MALRD1: variants seen among roughly 807,000 people sequenced by gnomAD.
MALRD1 encodes the protein MAM and LDL-receptor class A domain-containing protein 1.
MALRD1 carries 247 observed loss-of-function variants against 242.1 expected under a neutral mutation model. The ratio of observed to expected loss-of-function variants is 1.02; its 90% CI spans 0.92 to 1.13. The LOEUF is 1.13. Among genes scored for constraint, MALRD1 ranks in the 50% most tolerant of loss-of-function variants. The pLI, the probability that MALRD1 is intolerant of heterozygous loss-of-function variation, is 0.00. For missense variants in MALRD1, 2,989 were observed against 2,533.1 expected (o/e 1.18, Z -3.86); for synonymous variants, 995 against 866.6 (o/e 1.15, Z -2.60).
chr10:19,264,733 G>T (rs10827172), intron 19 of MALRD1, among the ~76,000 whole-genome samples: 15,024 of 152,094 alleles, frequency 0.099, 906 homozygotes, highest in African/African-American at 0.17. Context: ...GATTACAGGC[G>T]TGAGCCACCA....
At chr10:19,639,084 T>C (rs970311618) in intron 36 of MALRD1, among the ~76,000 whole-genome samples, 3 of 152,140 alleles carry the variant, frequency 2.0e-5, no homozygotes, top group African/African-American at 7.2e-5. Flanking sequence ...AAGTATGGCA[T>C]GGTCCAAAAG....
chr10:19,583,628 G>T (rs1837240657), intron 33 of MALRD1, among the ~76,000 whole-genome samples: 4 of 152,156 alleles, frequency 2.6e-5, no homozygotes, highest in Middle Eastern at 3.4e-3. Context: ...CGGTTTGCCA[G>T]TATTTTATTG....
intron 29 of MALRD1, among the ~76,000 whole-genome samples, chr10:19,471,329 A>G (rs1220643517): frequency 6.6e-6 from 1 of 151,804 alleles, no homozygotes; most frequent in Non-Finnish European, 1.5e-5. Context: ...TGTTTTCATT[A>G]CTGTGGCTTT....
intron 2 of MALRD1, among the ~76,000 whole-genome samples, chr10:19,081,450 T>A (rs1178630386): frequency 6.6e-6 from 1 of 152,068 alleles, no homozygotes; most frequent in Non-Finnish European, 1.5e-5. Flanking sequence ...AGGAATGAGA[T>A]CATGTCCTTT....
chr10:19,292,080 C>CAAAAAAAAAAA (rs756211363), intron 21 of MALRD1, among the ~76,000 whole-genome samples: 1 of 88,014 alleles, frequency 1.1e-5, no homozygotes, highest in East Asian at 3.5e-4. Flanking sequence ...AAGACCGTCT[C>CAAAAAAAAAAA]AAAAAAAAAA....
At chr10:19,733,939 C>T (rs893505967) in intron 39 of MALRD1, among the ~76,000 whole-genome samples, 1 of 151,942 alleles carries the variant, frequency 6.6e-6, no homozygotes, top group Non-Finnish European at 1.5e-5. Flanking sequence ...GGCAGTGGTG[C>T]CTAAGTCCTG....
At chr10:19,286,763 C>A (rs1271915351) in intron 21 of MALRD1, among the ~76,000 whole-genome samples, 1 of 151,336 alleles carries the variant, frequency 6.6e-6, no homozygotes, top group Admixed American at 6.6e-5. Flanking sequence ...TGGTACCATT[C>A]CTTCTGAAAC....
At chr10:19,553,215 T>C (rs1410415070) in intron 32 of MALRD1, among the ~76,000 whole-genome samples, 2 of 152,088 alleles carry the variant, frequency 1.3e-5, no homozygotes, top group African/African-American at 2.4e-5. Flanking sequence ...AAATAAACAA[T>C]TGGGCTCTAT....
chr10:19,448,555 T>G (rs1394090173), intron 28 of MALRD1, among the ~76,000 whole-genome samples: 2 of 152,170 alleles, frequency 1.3e-5, no homozygotes, highest in Admixed American at 1.3e-4. Context: ...TGTCCTGTGC[T>G]CAACTGGTTA....
chr10:19,080,109 A>T (rs181963645), intron 2 of MALRD1, among the ~76,000 whole-genome samples: 1 of 152,178 alleles, frequency 6.6e-6, no homozygotes, highest in East Asian at 1.9e-4. Flanking sequence ...CTGCTGAAAG[A>T]AATCAGAGAA....
intron 21 of MALRD1, among the ~76,000 whole-genome samples, chr10:19,289,129 A>G (rs1039155983): frequency 6.6e-6 from 1 of 152,130 alleles, no homozygotes; most frequent in African/African-American, 2.4e-5. Flanking sequence ...AAGGACACTT[A>G]CAGAAAGTTT....
chr10:19,373,131 C>A, intron 26 of MALRD1, among the ~76,000 whole-genome samples: 1 of 127,640 alleles, frequency 7.8e-6, no homozygotes, highest in Admixed American at 8.1e-5. Flanking sequence ...GTAGACAAAG[C>A]AGAAAAATAA....
At chr10:19,124,910 C>T (rs1407036554) in intron 7 of MALRD1, among the ~76,000 whole-genome samples, 4 of 113,328 alleles carry the variant, frequency 3.5e-5, no homozygotes, top group East Asian at 2.5e-4. Context: ...GATTTATTAT[C>T]GTGTGAACAA....
intron 29 of MALRD1, among the ~76,000 whole-genome samples, chr10:19,476,250 T>G (rs1836724333): frequency 6.6e-6 from 1 of 152,158 alleles, no homozygotes; most frequent in African/African-American, 2.4e-5. Context: ...ACTTGGCATC[T>G]CTACGTGTTT....
chr10:19,325,006 CTTTTTTTTT>C (rs34290618), intron 22 of MALRD1, among the ~76,000 whole-genome samples: 1 of 77,948 alleles, frequency 1.3e-5, no homozygotes, highest in Non-Finnish European at 2.3e-5. Flanking sequence ...TCAGTAGTTG[CTTTTTTTTT>C]TTTTTTTTTT....
intron 28 of MALRD1, among the ~76,000 whole-genome samples, chr10:19,404,627 G>C (rs7918578): frequency 0.87 from 132,125 of 152,070 alleles, 57,757 homozygotes; most frequent in African/African-American, 0.92. Flanking sequence ...TGGCAAATAA[G>C]TGACATATCC....
At chr10:19,259,654 G>A (rs1839662315) in intron 19 of MALRD1, among the ~76,000 whole-genome samples, 1 of 152,122 alleles carries the variant, frequency 6.6e-6, no homozygotes, top group South Asian at 2.1e-4. Context: ...CATAATTCAA[G>A]ATGAGATTTG....
intron 18 of MALRD1, among the ~76,000 whole-genome samples, chr10:19,230,957 C>T (rs965418504): frequency 6.6e-6 from 1 of 152,142 alleles, no homozygotes; most frequent in African/African-American, 2.4e-5. Context: ...TAGAATTTCC[C>T]ATGAATAATT....
chr10:19,565,583 A>G (rs915653466), intron 32 of MALRD1, among the ~76,000 whole-genome samples: 2 of 152,174 alleles, frequency 1.3e-5, no homozygotes, highest in Non-Finnish European at 2.9e-5. Context: ...TAGAAACTTC[A>G]CATCTTTTTA....
Sources: gnomAD v4.1 joint callset for allele counts (sites outside exome capture counted in the v4.1 genomes callset) on GRCh38, gnomAD v4.1.1 for gene constraint, MANE v1.5 for transcripts, NCBI Gene and HGNC (gene_info 2026-07-23, HGNC 2026-07-21) for gene names.